The following RUNX1 variants were observed in gnomAD, a reference collection of about 807,000 sequenced individuals.
The protein encoded by RUNX1 is RUNX family transcription factor 1.
RUNX1 carries 19 observed loss-of-function variants against 42.8 expected under a neutral mutation model. The observed-to-expected ratio is 0.44, with a 90% CI of 0.31 to 0.65. The LOEUF (loss-of-function observed/expected upper bound fraction) is 0.65. RUNX1 is among the 30% of genes least tolerant of loss of function. The pLI is 0.07. For missense variants in RUNX1, 528 were observed against 672.0 expected (o/e 0.79, Z 2.37); for synonymous variants, 271 against 289.4 (o/e 0.94, Z 0.64).
chr21:34,944,836 T>A (rs1318070429), intron 2 of RUNX1, among the ~76,000 whole-genome samples: 1 of 152,236 alleles, frequency 6.6e-6, no homozygotes, highest in Non-Finnish European at 1.5e-5. Flanking sequence ...TGACTAACTA[T>A]ATGAAAGACA....
At chr21:34,900,384 C>G (rs981458641) in intron 2 of RUNX1, among the ~76,000 whole-genome samples, 2 of 152,160 alleles carry the variant, frequency 1.3e-5, no homozygotes, top group Admixed American at 6.5e-5. Flanking sequence ...CCCTGGATAG[C>G]AATTTTGCTA....
At chr21:35,043,008 A>G (rs571236864) in intron 2 of RUNX1, among the ~76,000 whole-genome samples, 46 of 152,292 alleles carry the variant, frequency 3.0e-4, no homozygotes, top group African/African-American at 1.1e-3. Flanking sequence ...GAGCCAAGAG[A>G]GTATAACACG....
chr21:34,887,156 C>A (rs1211471756), intron 3 of RUNX1, 60 bp from the exon 4 acceptor site: 3 of 1,592,330 alleles, frequency 1.9e-6, no homozygotes, highest in Non-Finnish European at 2.5e-6. Flanking sequence ...CAGCTCCTAC[C>A]AGACGGCGAC....
At chr21:34,891,369 A>T (rs780134611) in intron 3 of RUNX1, among the ~76,000 whole-genome samples, 16 of 152,216 alleles carry the variant, frequency 1.1e-4, no homozygotes, top group Non-Finnish European at 1.8e-4. Flanking sequence ...GGAGCGGCGC[A>T]GGCTGTTAAC....
At chr21:35,047,059 T>C (rs528452075) in intron 2 of RUNX1, among the ~76,000 whole-genome samples, 1 of 152,196 alleles carries the variant, frequency 6.6e-6, no homozygotes, top group East Asian at 1.9e-4. Context: ...TCTTTGCCGT[T>C]GGCCAGTAAG....
chr21:34,912,127 G>A (rs555975962), intron 2 of RUNX1, among the ~76,000 whole-genome samples: 192 of 151,138 alleles, frequency 1.3e-3, no homozygotes, highest in Non-Finnish European at 1.5e-3. Flanking sequence ...TTGGAACTGA[G>A]TAGATAGTCA....
intron 2 of RUNX1, among the ~76,000 whole-genome samples, chr21:35,026,049 AG>A (rs2146958868): frequency 6.6e-6 from 1 of 152,280 alleles, no homozygotes; most frequent in East Asian, 1.9e-4. Flanking sequence ...ACCGTGGCAC[AG>A]GGGTCTCTTC....
At chr21:34,824,017 T>A (rs571700523) in intron 7 of RUNX1, among the ~76,000 whole-genome samples, 1 of 152,362 alleles carries the variant, frequency 6.6e-6, no homozygotes, top group South Asian at 2.1e-4. Flanking sequence ...CCTAAGGTTG[T>A]ATGGAATAAT....
At chr21:34,867,557 C>T (rs2057679912) in intron 5 of RUNX1, among the ~76,000 whole-genome samples, 1 of 152,202 alleles carries the variant, frequency 6.6e-6, no homozygotes, top group South Asian at 2.1e-4. Flanking sequence ...CTGGGCTCAA[C>T]TGCAGGCAGG....
chr21:35,047,514 A>AACACACACACAC (rs145398828), intron 2 of RUNX1, among the ~76,000 whole-genome samples: 1 of 70,584 alleles, frequency 1.4e-5, no homozygotes, highest in Admixed American at 1.8e-4. Flanking sequence ...TGCCATCTCC[A>AACACACACACAC]ACACACACAC....
At chr21:34,890,474 G>T (rs2058068515) in intron 3 of RUNX1, among the ~76,000 whole-genome samples, 1 of 152,172 alleles carries the variant, frequency 6.6e-6, no homozygotes, top group South Asian at 2.1e-4. Flanking sequence ...GCCCGGTCGG[G>T]GTCTCTTCCC....
chr21:34,869,406 A>T (rs1397604460), intron 5 of RUNX1, among the ~76,000 whole-genome samples: 1 of 152,160 alleles, frequency 6.6e-6, no homozygotes, highest in Non-Finnish European at 1.5e-5. Context: ...CTCATATTAC[A>T]TTATGCTACT....
rs573277100 is a variant in RUNX1, at chr21:34,932,927, A to G, written c.59-39964T>C. ...AGCCAGTCTGTCCTACATTATACCC[A>G]TCTCTCTTCTTATTGCATGTGCATC... is the stretch of plus-strand genomic sequence containing the variant. On this transcript the variant is annotated intron_variant, in intron 2 of 8. Coordinates refer to ENST00000675419, the MANE Select transcript of RUNX1 (RefSeq NM_001754.5). Among the ~76,000 whole-genome samples, 79 of 152,176 alleles carry G rather than the reference A, an allele frequency of 5.2e-4. 1 individual carries two copies. Among genetic ancestry groups the G allele is most frequent in the South Asian group, 4.6e-3 (22 of 4,824 alleles).
intron 5 of RUNX1, among the ~76,000 whole-genome samples, chr21:34,863,757 T>C (rs1025780128): frequency 6.6e-6 from 1 of 152,068 alleles, no homozygotes; most frequent in African/African-American, 2.4e-5. Context: ...GGTTTCACTA[T>C]GTCAGCCATG....
At chr21:34,820,198 G>A (rs1303686771) in intron 7 of RUNX1, among the ~76,000 whole-genome samples, 1 of 152,164 alleles carries the variant, frequency 6.6e-6, no homozygotes, top group Non-Finnish European at 1.5e-5. Context: ...TGGGGCTGCG[G>A]AGGGTGGGCA....
At chr21:34,875,104 A>C (rs1196325666) in intron 5 of RUNX1, among the ~76,000 whole-genome samples, 3 of 152,254 alleles carry the variant, frequency 2.0e-5, no homozygotes, top group Admixed American at 6.5e-5. Context: ...GACACTTCAC[A>C]AAATCAGCAA....
At chr21:34,998,307 G>A (rs942249924) in intron 2 of RUNX1, among the ~76,000 whole-genome samples, 2 of 152,018 alleles carry the variant, frequency 1.3e-5, no homozygotes, top group African/African-American at 2.4e-5. Flanking sequence ...TCCTGAGAAC[G>A]TCCCTGTGGC....
At chr21:34,959,256 T>G (rs1601609580) in intron 2 of RUNX1, among the ~76,000 whole-genome samples, 1 of 150,710 alleles carries the variant, frequency 6.6e-6, no homozygotes. Flanking sequence ...GAGCTACAGG[T>G]CTCCAGTGGT....
chr21:35,046,886 G>A (rs1273511488), intron 2 of RUNX1, among the ~76,000 whole-genome samples: 1 of 151,990 alleles, frequency 6.6e-6, no homozygotes, highest in Non-Finnish European at 1.5e-5. Flanking sequence ...TGCGAGCTCA[G>A]GCCCTCCCTA....
Sources: allele counts gnomAD v4.1 joint callset (sites outside exome capture counted in the v4.1 genomes callset), GRCh38; gene constraint gnomAD v4.1.1; transcripts MANE v1.5; gene names NCBI Gene and HGNC (gene_info 2026-07-23, HGNC 2026-07-21).